BANP: variants seen among roughly 807,000 people sequenced by gnomAD.
BANP encodes the protein BTG3 associated nuclear protein.
In BANP, 11 loss-of-function variants were observed where a neutral mutation model predicts 68.1. The ratio of observed to expected loss-of-function variants is 0.16; its 90% CI spans 0.10 to 0.27. BANP has a LOEUF of 0.27. BANP is among the 10% of genes least tolerant of loss of function. The pLI is 1.00. For synonymous variants in BANP, 329 were observed against 303.2 expected, an observed-to-expected ratio of 1.09 and a Z score of -0.88; for missense variants, 504 against 722.7, an observed-to-expected ratio of 0.70 and a Z score of 3.47.
At chr16:88,046,862 C>T (rs980501830) in intron 11 of BANP, among the ~76,000 whole-genome samples, 3 of 151,878 alleles carry the variant, frequency 2.0e-5, no homozygotes, top group African/African-American at 7.3e-5. Flanking sequence ...GTCAGGAGAT[C>T]GAGACCGTCC....
chr16:88,019,985 C>T (rs151226051), intron 7 of BANP, among the ~76,000 whole-genome samples: 394 of 152,354 alleles, frequency 2.6e-3, no homozygotes, highest in Non-Finnish European at 4.1e-3. Flanking sequence ...TGTGCCATGT[C>T]TTGTCCCAGG....
At chr16:88,021,616 C>T (rs975449241) in intron 7 of BANP, among the ~76,000 whole-genome samples, 2 of 152,228 alleles carry the variant, frequency 1.3e-5, no homozygotes, top group Non-Finnish European at 2.9e-5. Context: ...CCTTTTCTTC[C>T]TGTGGCCCAG....
At chr16:88,011,925 G>T (rs2073244554) in intron 6 of BANP, among the ~76,000 whole-genome samples, 1 of 152,170 alleles carries the variant, frequency 6.6e-6, no homozygotes, top group East Asian at 1.9e-4. Context: ...TCCGTTATGT[G>T]ATATCGTAGA....
rs1033034821 is a variant in BANP, at chr16:87,996,110, C to T, written c.363-8185C>T. 2.4e-4 allele frequency among the ~76,000 whole-genome samples: 37 copies of T among 152,208 alleles called. 1 individual carries two copies. Among genetic ancestry groups the T allele is most frequent in the Non-Finnish European group, 1.5e-5 (1 of 68,040 alleles). Reference sequence around the variant, plus strand: ...GAACAGAGTCATGTCTGTTCTCTGTCCTGTGATCATTTGTGCCCAGGCAGA... The same window carrying T: ...GAACAGAGTCATGTCTGTTCTCTGTTCTGTGATCATTTGTGCCCAGGCAGA... On this transcript the variant is annotated intron_variant, in intron 4 of 13. Coordinates refer to ENST00000682872, the MANE Select transcript of BANP (RefSeq NM_001386991.1).
chr16:88,011,988 A>G (rs557089713), intron 6 of BANP, among the ~76,000 whole-genome samples: 2 of 152,332 alleles, frequency 1.3e-5, no homozygotes, highest in East Asian at 3.9e-4. Flanking sequence ...ATGTAGCCTT[A>G]CCTTTATGGG....
intron 11 of BANP, among the ~76,000 whole-genome samples, chr16:88,059,946 A>ACACCC (rs1158316048): frequency 6.6e-6 from 1 of 152,166 alleles, no homozygotes; most frequent in Non-Finnish European, 1.5e-5. Flanking sequence ...CTGCACACAC[A>ACACCC]CACCCCAGGA....
chr16:88,075,174 C>T (rs1464514434), intron 13 of BANP, among the ~76,000 whole-genome samples: 65 of 152,098 alleles, frequency 4.3e-4, no homozygotes, highest in Admixed American at 4.3e-3. Flanking sequence ...GGTGAAACCC[C>T]ATCTCTACTA....
At chr16:88,067,721 G>A (rs1338730421) in intron 12 of BANP, among the ~76,000 whole-genome samples, 3 of 152,122 alleles carry the variant, frequency 2.0e-5, no homozygotes, top group African/African-American at 4.8e-5. Context: ...TGCCCTGGAC[G>A]GCCGGCTGCC....
intron 11 of BANP, among the ~76,000 whole-genome samples, chr16:88,042,857 C>T (rs1441317764): frequency 1.3e-5 from 2 of 152,052 alleles, no homozygotes; most frequent in Middle Eastern, 3.2e-3. Flanking sequence ...GCCCAGGCTG[C>T]AGTGAGCCGT....
Position 88,076,436 on chromosome 16 carries a change from C to T in BANP, c.1522-154C>T, listed in dbSNP as rs568193240. Among the ~76,000 whole-genome samples the T allele has an allele frequency of 3.3e-5, 5 of 152,334 alleles. No homozygotes were observed. The East Asian group carries it at 7.7e-4, about 23-fold the overall frequency. Reference sequence around the variant, plus strand: ...CCGCTGGGAGCCAGGCGTTGTGTACCAAGTCGGGTGAGCCTTGGGGCCGTC... The same window carrying T: ...CCGCTGGGAGCCAGGCGTTGTGTACTAAGTCGGGTGAGCCTTGGGGCCGTC... On this transcript the variant is annotated intron_variant, in intron 13 of 13. Coordinates refer to ENST00000682872, the MANE Select transcript of BANP (RefSeq NM_001386991.1).
intron 1 of BANP, among the ~76,000 whole-genome samples, chr16:87,973,177 T>G (rs750683104): frequency 1.3e-5 from 2 of 152,080 alleles, no homozygotes; most frequent in African/African-American, 2.4e-5. Context: ...TCATTCCGTC[T>G]TTCCCAGCTG....
chr16:87,981,223 G>A, intron 3 of BANP, 96 bp downstream of exon 3: 1 of 923,596 alleles, frequency 1.1e-6, no homozygotes. Context: ...TCAAAATGTA[G>A]CCTCTCAGCT....
intron 11 of BANP, among the ~76,000 whole-genome samples, chr16:88,052,356 T>G (rs1256492044): frequency 3.3e-5 from 5 of 152,168 alleles, no homozygotes; most frequent in Admixed American, 2.6e-4. Context: ...CTCCTATGTC[T>G]TCACCTGTCT....
At chr16:88,054,813 A>G (rs749919719) in intron 11 of BANP, among the ~76,000 whole-genome samples, 36 of 152,218 alleles carry the variant, frequency 2.4e-4, no homozygotes, top group Non-Finnish European at 5.0e-4. Flanking sequence ...TGTGATAGAA[A>G]TGGAAGGTCC....
intron 10 of BANP, 95 bp downstream of exon 10, chr16:88,035,489 C>G: frequency 8.2e-7 from 1 of 1,218,386 alleles, no homozygotes; most frequent in Non-Finnish European, 1.2e-6. Context: ...CAGCAGGGAG[C>G]CCCCAGGACA....
intron 4 of BANP, among the ~76,000 whole-genome samples, chr16:87,998,656 A>G (rs2068012445): frequency 1.5e-5 from 2 of 136,142 alleles, no homozygotes; most frequent in African/African-American, 5.7e-5. Context: ...AGACACCCAG[A>G]CACATCTCCA....
chr16:88,063,349 C>G (rs778169568), intron 11 of BANP, among the ~76,000 whole-genome samples: 1 of 152,196 alleles, frequency 6.6e-6, no homozygotes, highest in South Asian at 2.1e-4. Context: ...GTTGTGTTGT[C>G]GTTGTGGTCC....
At chr16:88,020,418 G>T (rs1446983461) in intron 7 of BANP, among the ~76,000 whole-genome samples, 2 of 152,252 alleles carry the variant, frequency 1.3e-5, no homozygotes, top group Non-Finnish European at 2.9e-5. Context: ...AAACCCGGGG[G>T]TTGCTTCGTG....
In BANP at chr16:88,018,674, C is replaced by T. The variant is rs773258908; in HGVS notation, c.895+7C>T. ...ACCATCTACGGCATCCGGTGTAAGT[C>T]GGGCCCCGCCTTGGGGGACTGGGGT... On this transcript the variant is annotated splice_region_variant and intron_variant, in intron 7 of 13. Coordinates refer to ENST00000682872, the MANE Select transcript of BANP (RefSeq NM_001386991.1). The surrounding 1 kb of genome is among the most constrained non-coding windows in gnomAD (Gnocchi z 7.7). 28 of 1,554,680 alleles carry T rather than the reference C, an allele frequency of 1.8e-5. No homozygotes were observed. The highest frequency in any genetic ancestry group is 4.1e-5 in the African/African-American group (3 of 73,346).
Sources: allele counts gnomAD v4.1 joint callset (sites outside exome capture counted in the v4.1 genomes callset), GRCh38; gene constraint gnomAD v4.1.1; non-coding constraint Gnocchi (gnomAD v3.1); transcripts MANE v1.5; gene names NCBI Gene and HGNC (gene_info 2026-07-23, HGNC 2026-07-21).